The following CDH4 variants were observed in gnomAD, a reference collection of about 807,000 sequenced individuals.
CDH4 encodes the protein cadherin 4, also known as cadherin-4.
Under a neutral mutation model 86.0 loss-of-function variants are expected in CDH4, and 33 were observed. The observed-to-expected ratio is 0.38, with a 90% CI of 0.29 to 0.51. The LOEUF is 0.51. Ranked by LOEUF, CDH4 falls within the 20% of genes least tolerant of loss-of-function variation. The pLI is 0.86. For missense variants in CDH4, 1,114 were observed against 1,307.4 expected (o/e 0.85, Z 2.28); for synonymous variants, 555 against 549.4 (o/e 1.01, Z -0.14).
intron 2 of CDH4, among the ~76,000 whole-genome samples, chr20:61,351,823 T>C (rs1458624574): frequency 6.6e-6 from 1 of 152,120 alleles, no homozygotes; most frequent in Non-Finnish European, 1.5e-5. Context: ...TTCAAGCGAT[T>C]CTGCAGCCTA....
rs1387439704 is a variant in CDH4, at chr20:61,383,132, TTA to T, written c.169+128203_169+128204del. Among the ~76,000 whole-genome samples, 42 of 81,054 alleles carry T rather than the reference TTA, an allele frequency of 5.2e-4. 5 individuals are homozygous for T. In the Middle Eastern group the frequency reaches 0.018, roughly 35 times the overall value. 53.2% of individuals were successfully genotyped at this position (81,054 alleles called of 152,430 possible). A position where few individuals can be genotyped will look rare whatever the true frequency, so the allele number is the denominator to read the frequency against. ...TATATATAGAATATATATGAATATATTATATATATGAATATATATGAATATAT... is the reference window on the plus strand; with the variant it reads ...TATATATAGAATATATATGAATATATTATATATGAATATATATGAATATAT... On this transcript the variant is annotated intron_variant, in intron 2 of 15. Transcript: ENST00000614565.
At chr20:61,888,393 G>A (rs943839691) in intron 7 of CDH4, among the ~76,000 whole-genome samples, 6 of 152,294 alleles carry the variant, frequency 3.9e-5, no homozygotes, top group African/African-American at 1.4e-4. Flanking sequence ...AGGGAGGGCC[G>A]GGTGCTCACA....
Position 61,898,212 on chromosome 20 carries a change from A to G in CDH4, c.1188+3165A>G, listed in dbSNP as rs1432360180. On this transcript the variant is annotated intron_variant, in intron 8 of 15. Coordinates refer to ENST00000614565, the MANE Select transcript of CDH4 (RefSeq NM_001794.5). ...TGGCGAAGGCCGGCCACACTGCCGC[A>G]CATGCCGCCAGGCTATTTTTACCAA... 2.6e-5 allele frequency among the ~76,000 whole-genome samples: 4 copies of G among 152,396 alleles called. No homozygotes were observed. In the East Asian group the frequency reaches 5.8e-4, roughly 22 times the overall value.
At chr20:61,758,127 A>G (rs910825287) in intron 3 of CDH4, among the ~76,000 whole-genome samples, 2 of 152,174 alleles carry the variant, frequency 1.3e-5, no homozygotes, top group African/African-American at 4.8e-5. Flanking sequence ...GCACATTCAG[A>G]GTCAGGTGAG....
At chr20:61,310,650 G>A (rs562562537) in intron 2 of CDH4, among the ~76,000 whole-genome samples, 3 of 152,214 alleles carry the variant, frequency 2.0e-5, no homozygotes, top group Admixed American at 6.5e-5. Context: ...CTGCAGCCCC[G>A]GGGTTGGGTA....
chr20:61,750,966 A>G (rs59994799), intron 3 of CDH4, among the ~76,000 whole-genome samples: 13,737 of 152,296 alleles, frequency 0.09, 757 homozygotes, highest in South Asian at 0.22. Flanking sequence ...TTAAAGAACT[A>G]TAAAAATGGA....
At chr20:61,652,437 A>C (rs1182573141) in intron 2 of CDH4, among the ~76,000 whole-genome samples, 1 of 152,192 alleles carries the variant, frequency 6.6e-6, no homozygotes, top group African/African-American at 2.4e-5. Flanking sequence ...TGAATTCACC[A>C]TTATGAGATA....
chr20:61,756,497 TATCCCCCAGGCCCATCCCCCC>T (rs1237833703), intron 3 of CDH4, among the ~76,000 whole-genome samples: 4 of 147,650 alleles, frequency 2.7e-5, no homozygotes, highest in Admixed American at 6.7e-5. Context: ...CCATATCCCC[TATCCCCCAGGCCCATCCCCCC>T]ATCCCCCTGG....
chr20:61,389,909 C>T (rs1203254547), intron 2 of CDH4, among the ~76,000 whole-genome samples: 3 of 140,352 alleles, frequency 2.1e-5, no homozygotes, highest in African/African-American at 5.4e-5. Context: ...GTGCCCATAG[C>T]ACCATGTCTA....
chr20:61,350,025 G>A (rs144710429), intron 2 of CDH4, among the ~76,000 whole-genome samples: 144 of 152,318 alleles, frequency 9.5e-4, no homozygotes, highest in African/African-American at 3.2e-3. Context: ...ACACATGTGG[G>A]CGAGGAGGCA....
chr20:61,729,137 G>A (rs1757386525), intron 2 of CDH4, among the ~76,000 whole-genome samples: 8 of 152,096 alleles, frequency 5.3e-5, no homozygotes, highest in Admixed American at 5.2e-4. Context: ...TTGACAAGAG[G>A]CCCTGGCATC....
intron 4 of CDH4, among the ~76,000 whole-genome samples, chr20:61,799,471 G>T (rs377534860): frequency 6.6e-6 from 1 of 152,056 alleles, no homozygotes; most frequent in Non-Finnish European, 1.5e-5. Flanking sequence ...TGTGCTAACC[G>T]TTAACCATTG....
intron 2 of CDH4, among the ~76,000 whole-genome samples, chr20:61,290,927 A>G (rs1347217019): frequency 6.6e-6 from 1 of 152,204 alleles, no homozygotes; most frequent in East Asian, 1.9e-4. Flanking sequence ...CACCGTTATC[A>G]AGAGCCTGTA....
At chr20:61,839,954 G>GGT (rs71195406) in intron 4 of CDH4, among the ~76,000 whole-genome samples, 62,406 of 151,200 alleles carry the variant, frequency 0.41, 15,742 homozygotes, top group Non-Finnish European at 0.58. Context: ...TTGTGTGCAT[G>GGT]GTGTGTGTGT....
intron 2 of CDH4, among the ~76,000 whole-genome samples, chr20:61,453,971 G>T (rs1011997615): frequency 4.6e-5 from 7 of 152,202 alleles, no homozygotes; most frequent in African/African-American, 1.7e-4. Context: ...GGATAGGTTT[G>T]CTTCCCCTTC....
Position 61,929,739 on chromosome 20 carries a change from A to C in CDH4, c.2136A>C (p.Pro712=), listed in dbSNP as rs752759213. ...NTSIIKVKVC[P]CDDNGDCTTI... ...CCATCATCAAAGTCAAGGTGTGCCC[A>C]TGTGATGACAACGGGGACTGCACCA... is the stretch of plus-strand genomic sequence containing the variant. The change falls in exon 13 of 16, where the codon CCA becomes CCC. Residue 712 remains proline, a synonymous_variant. Coordinates refer to ENST00000614565, the MANE Select transcript of CDH4 (RefSeq NM_001794.5). The C allele has an allele frequency of 6.2e-7, 1 of 1,614,066 alleles. No individual in the cohort carries two copies. Among genetic ancestry groups the C allele is most frequent in the Admixed American group, 1.7e-5 (1 of 60,014 alleles).
At chr20:61,744,272 G>T (rs556797909) in intron 3 of CDH4, among the ~76,000 whole-genome samples, 2 of 152,060 alleles carry the variant, frequency 1.3e-5, no homozygotes, top group Admixed American at 6.5e-5. Context: ...GGTGCAGGGA[G>T]ACAGCAAAGG....
At chr20:61,921,115 GGT>G (rs2054977208) in intron 9 of CDH4, among the ~76,000 whole-genome samples, 1 of 148,936 alleles carries the variant, frequency 6.7e-6, no homozygotes, top group Non-Finnish European at 1.5e-5. Context: ...ATGGAAGCGT[GGT>G]GTCACGGTGA....
At chr20:61,346,718 T>C (rs2123291910) in intron 2 of CDH4, among the ~76,000 whole-genome samples, 1 of 147,480 alleles carries the variant, frequency 6.8e-6, no homozygotes, top group South Asian at 2.2e-4. Flanking sequence ...CACTCCAGCC[T>C]GGGTGACAGA....
Sources: gnomAD v4.1 joint callset for allele counts (sites outside exome capture counted in the v4.1 genomes callset) on GRCh38, gnomAD v4.1.1 for gene constraint, MANE v1.5 for transcripts, NCBI Gene and HGNC (gene_info 2026-07-23, HGNC 2026-07-21) for gene names.